KDM1B: variants seen among roughly 807,000 people sequenced by gnomAD.
KDM1B encodes lysine demethylase 1B.
Under a neutral mutation model 107.4 loss-of-function variants are expected in KDM1B, and 63 were observed. The ratio of observed to expected loss-of-function variants is 0.59; its 90% CI spans 0.48 to 0.72. KDM1B has a LOEUF of 0.72. Among genes scored for constraint, KDM1B ranks in the 30% least tolerant of loss-of-function variants. The pLI is 0.00. For synonymous variants in KDM1B, 363 were observed against 363.9 expected (o/e 1.00, Z 0.03); for missense variants, 749 against 1,020.8 (o/e 0.73, Z 3.63).
intron 6 of KDM1B, among the ~76,000 whole-genome samples, chr6:18,167,131 C>T (rs1290858117): frequency 6.6e-6 from 1 of 151,890 alleles, no homozygotes; most frequent in Admixed American, 6.6e-5. Context: ...CTGAGGTGGG[C>T]AGATCACAAG....
intron 7 of KDM1B, among the ~76,000 whole-genome samples, chr6:18,173,181 C>A (rs1785773844): frequency 6.6e-6 from 1 of 151,644 alleles, no homozygotes; most frequent in African/African-American, 2.4e-5. Flanking sequence ...CATGGTTGTA[C>A]CATACTACAA....
intron 7 of KDM1B, among the ~76,000 whole-genome samples, chr6:18,178,433 G>A (rs111523360): frequency 0.02 from 2,953 of 147,582 alleles, 91 homozygotes; most frequent in African/African-American, 0.069. Context: ...TTGCTTTGTC[G>A]CCAGGCTGAA....
In KDM1B at chr6:18,200,385, G is replaced by A. The variant is rs1787956237; in HGVS notation, c.1222-54G>A. ...TCCTTCTACATTTTTATAATACTGTGTCTGATATAACTCTTGTGTCCTATT... is the reference window on the plus strand; with the variant it reads ...TCCTTCTACATTTTTATAATACTGTATCTGATATAACTCTTGTGTCCTATT... On this transcript the variant is annotated intron_variant, in intron 12 of 21. Transcript: ENST00000650836. This position sits in a 1 kb window ranked among gnomAD's most constrained non-coding sequence, Gnocchi z 4.3. The A allele has an allele frequency of 7.1e-6, 11 of 1,542,300 alleles. No individual in the cohort carries two copies. Among genetic ancestry groups the A allele is most frequent in the Non-Finnish European group, 8.9e-6 (10 of 1,129,702 alleles).
Position 18,221,953 on chromosome 6 carries a change from G to A in KDM1B, c.2430G>A (p.Leu810=). 1 of 1,613,768 alleles carries A rather than the reference G, an allele frequency of 6.2e-7. No homozygotes were observed. The highest frequency in any genetic ancestry group is 1.3e-5 in the African/African-American group (1 of 75,044). ...HFPQTVTGAY[L]SGVREASKIA... is the part of the protein sequence containing the mutation. ...CACAAACTGTTACAGGGGCATATTT[G>A]AGTGGCGTTCGAGAAGCAAGCAAGA... Residue 810 remains leucine, a synonymous_variant, in exon 22 of 22, where the codon TTG becomes TTA. Transcript: ENST00000650836.
In KDM1B at chr6:18,213,561, T is replaced by G; in HGVS notation, c.1984-95T>G. Reference sequence around the variant, plus strand: ...GGGGTTGTTCTTTCGGGCAGTGTCTTTGTTTTAGAGTAGAGCTACAGGTTG... The same window carrying G: ...GGGGTTGTTCTTTCGGGCAGTGTCTGTGTTTTAGAGTAGAGCTACAGGTTG... On this transcript the variant is annotated intron_variant, in intron 18 of 21. Transcript: ENST00000650836. The surrounding 1 kb of genome is among the most constrained non-coding windows in gnomAD (Gnocchi z 5.9). The G allele has an allele frequency of 1.5e-6, 2 of 1,296,106 alleles. No individual in the cohort carries two copies. Among genetic ancestry groups the G allele is most frequent in the Non-Finnish European group, 1.1e-6 (1 of 908,298 alleles). 80.3% of individuals were successfully genotyped at this position (1,296,106 alleles called of 1,614,324 possible). A position where few individuals can be genotyped will look rare whatever the true frequency, so the allele number is the denominator to read the frequency against.
At position 18,207,247 on chromosome 6, in the gene KDM1B, T is replaced by TC. The variant is rs1788439781; in HGVS notation, c.1660-146dup. On this transcript the variant is annotated intron_variant, in intron 15 of 21. Coordinates refer to ENST00000650836, the MANE Select transcript of KDM1B (RefSeq NM_001364614.2). ...CTCAAATAAAATTATCGAGATTTCC[T>TC]CCCCCAGTGGTGGTCTCTGCCTAGG... is the stretch of plus-strand genomic sequence containing the variant. The TC allele has an allele frequency of 6.2e-6, 4 of 648,718 alleles. No homozygotes were observed. In the South Asian group the frequency reaches 9.5e-5, roughly 15 times the overall value. The allele number at this position is 648,718 out of a possible 1,614,324, so 40.2% of individuals were successfully genotyped here. A position where few individuals can be genotyped will look rare whatever the true frequency, so the allele number is the denominator to read the frequency against.
chr6:18,198,095 C>A (rs944882814), intron 12 of KDM1B, among the ~76,000 whole-genome samples: 3 of 151,934 alleles, frequency 2.0e-5, no homozygotes, highest in African/African-American at 7.3e-5. Flanking sequence ...GGGGTTTCAC[C>A]GTGTTGGCCA....
intron 14 of KDM1B, among the ~76,000 whole-genome samples, chr6:18,202,827 T>G (rs1788128546): frequency 1.3e-5 from 2 of 152,204 alleles, no homozygotes; most frequent in African/African-American, 2.4e-5. Context: ...CTAGGAGACC[T>G]ATGCTGTAAT....
In KDM1B at chr6:18,213,187, A is replaced by G. The variant is rs930468700; in HGVS notation, c.1984-469A>G. ...CACAGTGGCTCATGCCTGTAATCCC[A>G]GCACTTTGGAAGGCTGAGGAGGATG... On this transcript the variant is annotated intron_variant, in intron 18 of 21. Transcript: ENST00000650836. This position sits in a 1 kb window ranked among gnomAD's most constrained non-coding sequence, Gnocchi z 5.9. 2.6e-5 allele frequency among the ~76,000 whole-genome samples: 4 copies of G among 152,210 alleles called. No individual in the cohort carries two copies. The highest frequency in any genetic ancestry group is 1.9e-4 in the East Asian group (1 of 5,186).
At position 18,186,264 on chromosome 6, in the gene KDM1B, T is replaced by C. The variant is rs1224849196; in HGVS notation, c.573+454T>C. ...GCTTTGTCCTGTCCTCATGCAGATA[T>C]GGCAGGGGGAGCAGTACTTCCAGCT... On this transcript the variant is annotated intron_variant, in intron 8 of 21. Transcript: ENST00000650836. The surrounding 1 kb of genome is among the most constrained non-coding windows in gnomAD (Gnocchi z 5.6). 6.6e-6 allele frequency among the ~76,000 whole-genome samples: 1 copy of C among 152,212 alleles called. No homozygotes were observed. The highest frequency in any genetic ancestry group is 1.9e-4 in the East Asian group (1 of 5,186).
At chr6:18,217,175 A>G (rs1234845704) in intron 20 of KDM1B, among the ~76,000 whole-genome samples, 2 of 152,110 alleles carry the variant, frequency 1.3e-5, no homozygotes, top group South Asian at 2.1e-4. Context: ...TCCCGGGCAG[A>G]AGGAGGAGGT....
At chr6:18,218,904 ATTTT>A (rs1789451915) in intron 21 of KDM1B, among the ~76,000 whole-genome samples, 1 of 151,618 alleles carries the variant, frequency 6.6e-6, no homozygotes, top group Admixed American at 6.6e-5. Context: ...TTTATTTTAA[ATTTT>A]ATTTATTTTT....
chr6:18,163,276 T>G (rs988210877), intron 5 of KDM1B, among the ~76,000 whole-genome samples: 16 of 151,988 alleles, frequency 1.1e-4, no homozygotes, highest in Non-Finnish European at 2.1e-4. Flanking sequence ...TCCAGGCTGG[T>G]CTCAAACTCC....
chr6:18,171,263 A>G (rs1785646151), intron 6 of KDM1B, 100 bp from the exon 7 acceptor site: 4 of 754,190 alleles, frequency 5.3e-6, no homozygotes, highest in Non-Finnish European at 9.9e-6. Context: ...AATACTTAGG[A>G]TTGCTAACAG....
rs901803093 is a variant in KDM1B, at chr6:18,213,305, G to T, written c.1984-351G>T. On this transcript the variant is annotated intron_variant, in intron 18 of 21. Transcript: ENST00000650836. This position sits in a 1 kb window ranked among gnomAD's most constrained non-coding sequence, Gnocchi z 5.9. ...TACAAAATTCGCTGGGCGTGGTGGTGTGCACCTGTAATCCCAGCTACTTGG... is the reference window on the plus strand; with the variant it reads ...TACAAAATTCGCTGGGCGTGGTGGTTTGCACCTGTAATCCCAGCTACTTGG... Among the ~76,000 whole-genome samples the T allele has an allele frequency of 6.6e-6, 1 of 152,016 alleles. No individual in the cohort carries two copies. Among genetic ancestry groups the T allele is most frequent in the African/African-American group, 2.4e-5 (1 of 41,390 alleles).
Position 18,207,547 on chromosome 6 carries a change from G to C in KDM1B, c.1791+18G>C. The C allele has an allele frequency of 6.2e-7, 1 of 1,613,704 alleles. No homozygotes were observed. Among genetic ancestry groups the C allele is most frequent in the Non-Finnish European group, 8.5e-7 (1 of 1,179,594 alleles). ...AATCTCCAGTGAGTATCAACTGCTGGGAGGCTCTGGCTCGCCTTGTTTGGG... is the reference window on the plus strand; with the variant it reads ...AATCTCCAGTGAGTATCAACTGCTGCGAGGCTCTGGCTCGCCTTGTTTGGG... On this transcript the variant is annotated intron_variant, in intron 16 of 21. Transcript: ENST00000650836.
At chr6:18,202,927 A>G (rs1561943897) in intron 14 of KDM1B, among the ~76,000 whole-genome samples, 2 of 152,208 alleles carry the variant, frequency 1.3e-5, no homozygotes, top group Admixed American at 6.5e-5. Context: ...CAAATGTTGT[A>G]GTGTCCAGAC....
chr6:18,166,294 T>C lies in KDM1B; in HGVS notation c.333T>C (p.Thr111=). 1 of 1,606,036 alleles carries C rather than the reference T, an allele frequency of 6.2e-7. No homozygotes were observed. Among genetic ancestry groups the C allele is most frequent in the East Asian group, 2.2e-5 (1 of 44,844 alleles). The change falls in exon 6 of 22, where the codon ACT becomes ACC. Residue 111 remains threonine, a synonymous_variant. Transcript: ENST00000650836. Reference sequence around the variant, plus strand: ...ATAAGGATGGATATGACAAATATACTACATGGAAAAAAATATGGACTAGCA... The same window carrying C: ...ATAAGGATGGATATGACAAATATACCACATGGAAAAAAATATGGACTAGCA... ...RSHKDGYDKY[T]TWKKIWTSNG... is the part of the protein sequence containing the mutation.
intron 10 of KDM1B, among the ~76,000 whole-genome samples, chr6:18,195,615 G>A (rs1787591204): frequency 6.6e-6 from 1 of 151,286 alleles, no homozygotes; most frequent in African/African-American, 2.4e-5. Flanking sequence ...GGCGCCTGTA[G>A]TCCCAGCTAC....
Sources: allele counts gnomAD v4.1 joint callset (sites outside exome capture counted in the v4.1 genomes callset), GRCh38; gene constraint gnomAD v4.1.1; non-coding constraint Gnocchi (gnomAD v3.1); transcripts MANE v1.5; gene names NCBI Gene and HGNC (gene_info 2026-07-23, HGNC 2026-07-21).